The following MAGI2 variants were observed in gnomAD, a reference collection of about 807,000 sequenced individuals.
MAGI2 encodes the protein membrane associated guanylate kinase, WW and PDZ domain containing 2, also known as membrane-associated guanylate kinase, WW and PDZ domain-containing protein 2.
MAGI2 carries 35 observed loss-of-function variants against 133.3 expected under a neutral mutation model. That is an observed-to-expected ratio of 0.26 (90% confidence interval 0.20 to 0.35). MAGI2 has a LOEUF of 0.35. Among genes scored for constraint, MAGI2 ranks in the 10% least tolerant of loss-of-function variants. The pLI is 1.00. For synonymous variants in MAGI2, 729 were observed against 710.6 expected, an observed-to-expected ratio of 1.03 and a Z score of -0.41; for missense variants, 1,636 against 1,863.4, an observed-to-expected ratio of 0.88 and a Z score of 2.25.
intron 9 of MAGI2, among the ~76,000 whole-genome samples, chr7:78,277,328 A>G (rs889251966): frequency 2.0e-5 from 3 of 152,198 alleles, no homozygotes; most frequent in African/African-American, 7.2e-5. Flanking sequence ...TCACAAAAGT[A>G]TCAAAACAAA....
At chr7:78,663,628 CT>C (rs1813224406) in intron 2 of MAGI2, among the ~76,000 whole-genome samples, 1 of 152,124 alleles carries the variant, frequency 6.6e-6, no homozygotes, top group Non-Finnish European at 1.5e-5. Context: ...ATTGAGGTTT[CT>C]TTGTTAAATA....
intron 7 of MAGI2, among the ~76,000 whole-genome samples, chr7:78,365,674 T>C (rs1793302368): frequency 6.6e-6 from 1 of 152,218 alleles, no homozygotes. Context: ...GATTATGACC[T>C]TTCTGGTTCT....
chr7:78,788,597 A>T (rs1480523616), intron 2 of MAGI2, among the ~76,000 whole-genome samples: 2 of 151,620 alleles, frequency 1.3e-5, no homozygotes, highest in African/African-American at 4.8e-5. Context: ...AAAAAAAAGC[A>T]CTGAGTATAA....
chr7:78,020,113 C>CCACCCT lies in MAGI2; in HGVS notation c.3707-143_3707-138dup, dbSNP rs1486229258. 0.013 allele frequency: 10,108 copies of CCACCCT among 762,918 alleles called. 124 individuals carry two copies. The highest frequency in any genetic ancestry group is 0.014 in the Non-Finnish European group (7,208 of 501,020). The allele number at this position is 762,918 out of a possible 1,614,324, so 47.3% of individuals were successfully genotyped here. ...GCCACCGCCGCCCCCACCCCCACCC[C>CCACCCT]CACCCTCACTGCCGAGAGGGCAGCG... On this transcript the variant is annotated intron_variant, in intron 21 of 21. Coordinates refer to ENST00000354212, the MANE Select transcript of MAGI2 (RefSeq NM_012301.4).
chr7:78,175,300 C>T (rs1019731116), intron 14 of MAGI2, among the ~76,000 whole-genome samples: 1 of 152,150 alleles, frequency 6.6e-6, no homozygotes, highest in Non-Finnish European at 1.5e-5. Flanking sequence ...GTTCCAGTCC[C>T]CCCTAGAAAC....
At chr7:78,255,898 C>T (rs748745382) in intron 10 of MAGI2, 45 bp downstream of exon 10, 2 of 1,571,158 alleles carry the variant, frequency 1.3e-6, no homozygotes, top group Non-Finnish European at 1.7e-6. Flanking sequence ...AATGATCCTA[C>T]TATTTTACCC....
intron 20 of MAGI2, among the ~76,000 whole-genome samples, chr7:78,122,552 T>C (rs1166543948): frequency 6.6e-6 from 1 of 152,200 alleles, no homozygotes; most frequent in Admixed American, 6.5e-5. Flanking sequence ...TGATGCTAAA[T>C]AGGCATACAC....
chr7:79,264,895 G>A (rs899072874), intron 1 of MAGI2, among the ~76,000 whole-genome samples: 6 of 151,550 alleles, frequency 4.0e-5, no homozygotes, highest in African/African-American at 1.5e-4. Context: ...ACGAGCACAC[G>A]CCAGCCTCTT....
intron 2 of MAGI2, among the ~76,000 whole-genome samples, chr7:78,870,846 A>T (rs1483422551): frequency 1.3e-5 from 2 of 152,196 alleles, no homozygotes; most frequent in Non-Finnish European, 2.9e-5. Flanking sequence ...GTATATATAC[A>T]CCATGGAATA....
At chr7:78,121,262 G>A (rs6466037) in intron 20 of MAGI2, among the ~76,000 whole-genome samples, 103,154 of 148,932 alleles carry the variant, frequency 0.69, 35,927 homozygotes, top group African/African-American at 0.75. Context: ...AGCCAATTAC[G>A]CTAAAATTAA....
At chr7:78,134,999 C>A (rs373411482) in intron 17 of MAGI2, 22 bp downstream of exon 17, 510 of 1,608,294 alleles carry the variant, frequency 3.2e-4, no homozygotes, top group Non-Finnish European at 4.2e-4. Flanking sequence ...CGCCTCTCTG[C>A]AAGGCTGCCT....
intron 9 of MAGI2, chr7:78,285,912 T>G (rs545867923): frequency 6.6e-6 from 1 of 152,254 alleles, no homozygotes; most frequent in East Asian, 1.9e-4. Context: ...TTTGTGCAGG[T>G]TCCATCCCAT....
chr7:78,750,205 A>G (rs1031605239), intron 2 of MAGI2, among the ~76,000 whole-genome samples: 3 of 152,214 alleles, frequency 2.0e-5, no homozygotes, highest in African/African-American at 4.8e-5. Context: ...GGCAGAAGAT[A>G]TGAACTCACC....
intron 10 of MAGI2, among the ~76,000 whole-genome samples, chr7:78,243,363 C>T (rs542511408): frequency 1.2e-4 from 19 of 152,040 alleles, no homozygotes; most frequent in African/African-American, 3.9e-4. Context: ...TATACTTGCA[C>T]ATTTTTTCTG....
At chr7:78,612,510 C>T (rs919062596) in intron 3 of MAGI2, among the ~76,000 whole-genome samples, 3 of 151,650 alleles carry the variant, frequency 2.0e-5, no homozygotes, top group African/African-American at 7.3e-5. Flanking sequence ...ACAAATAAAC[C>T]ACATTGTTTT....
chr7:79,063,531 G>C (rs188321227), intron 1 of MAGI2, among the ~76,000 whole-genome samples: 275 of 152,168 alleles, frequency 1.8e-3, no homozygotes, highest in Non-Finnish European at 3.3e-3. Flanking sequence ...TATCAGTACA[G>C]AGTGAATATT....
Position 78,556,146 on chromosome 7 carries a change from C to T in MAGI2, c.539-34501G>A, listed in dbSNP as rs139652754. 2.6e-5 allele frequency among the ~76,000 whole-genome samples: 4 copies of T among 152,252 alleles called. No individual in the cohort carries two copies. The East Asian group carries it at 7.7e-4, about 29-fold the overall frequency. ...ATATGATAGCTTATATTATGCCTCACAGGAAGCCAGAGTAAGAGGCACAGA... is the reference window on the plus strand; with the variant it reads ...ATATGATAGCTTATATTATGCCTCATAGGAAGCCAGAGTAAGAGGCACAGA... On this transcript the variant is annotated intron_variant, in intron 3 of 21. Coordinates refer to ENST00000354212, the MANE Select transcript of MAGI2 (RefSeq NM_012301.4).
At chr7:78,499,650 A>AT (rs939928069) in intron 5 of MAGI2, among the ~76,000 whole-genome samples, 4 of 151,838 alleles carry the variant, frequency 2.6e-5, no homozygotes, top group African/African-American at 9.7e-5. Context: ...ATCACACACA[A>AT]AAAAGGTTTT....
chr7:78,334,092 C>T (rs916999484), intron 9 of MAGI2, among the ~76,000 whole-genome samples: 1 of 152,170 alleles, frequency 6.6e-6, no homozygotes, highest in Admixed American at 6.5e-5. Context: ...ACTTCTTAGG[C>T]TTTCTTGCAG....
Sources: allele counts gnomAD v4.1 joint callset (sites outside exome capture counted in the v4.1 genomes callset), GRCh38; gene constraint gnomAD v4.1.1; transcripts MANE v1.5; gene names NCBI Gene and HGNC (gene_info 2026-07-23, HGNC 2026-07-21).